Variants in MYZAP observed in about 807,000 individuals in gnomAD.
The protein encoded by MYZAP is GRINL1A complex locus upstream.
Under a neutral mutation model 69.4 loss-of-function variants are expected in MYZAP, and 66 were observed. The observed-to-expected ratio is 0.95, with a 90% CI of 0.78 to 1.17. The LOEUF is 1.17. Among genes scored for constraint, MYZAP ranks in the 50% most tolerant of loss-of-function variants. MYZAP has a pLI of 0.00. For synonymous variants in MYZAP, 256 were observed against 205.9 expected, an observed-to-expected ratio of 1.24 and a Z score of -2.09; for missense variants, 611 against 556.2, an observed-to-expected ratio of 1.10 and a Z score of -0.99.
intron 11 of MYZAP, among the ~76,000 whole-genome samples, chr15:57,662,404 G>T (rs1484392443): frequency 1.3e-5 from 2 of 152,210 alleles, no homozygotes; most frequent in Non-Finnish European, 2.9e-5. Context: ...CCTGCTGTGT[G>T]TTGGGCACTG....
intron 6 of MYZAP, among the ~76,000 whole-genome samples, chr15:57,631,114 AAG>A (rs1319034657): frequency 6.6e-6 from 1 of 152,246 alleles, no homozygotes; most frequent in East Asian, 1.9e-4. Context: ...CTTTCTCAGT[AAG>A]AGTTACTTGG....
intron 12 of MYZAP, among the ~76,000 whole-genome samples, chr15:57,681,612 C>G (rs1018023083): frequency 6.6e-6 from 1 of 152,110 alleles, no homozygotes; most frequent in Non-Finnish European, 1.5e-5. Context: ...AGTGAAACTC[C>G]GTCTCTACTA....
chr15:57,614,655 C>T (rs1406613340), intron 2 of MYZAP, among the ~76,000 whole-genome samples: 2 of 152,130 alleles, frequency 1.3e-5, no homozygotes, highest in Non-Finnish European at 2.9e-5. Context: ...CCATCCTGGG[C>T]CTGCCTCTTC....
chr15:57,628,245 A>G (rs2036276714), intron 5 of MYZAP, among the ~76,000 whole-genome samples: 1 of 152,162 alleles, frequency 6.6e-6, no homozygotes, highest in East Asian at 1.9e-4. Flanking sequence ...AAAGCAGTAA[A>G]TAGCACCACC....
chr15:57,621,261 A>T (rs1595876503), intron 3 of MYZAP, among the ~76,000 whole-genome samples: 1 of 131,692 alleles, frequency 7.6e-6, no homozygotes, highest in African/African-American at 3.0e-5. Context: ...CCCAGGCTGG[A>T]GTGCAGTGGC....
At chr15:57,631,740 T>C (rs939864823) in intron 6 of MYZAP, among the ~76,000 whole-genome samples, 3 of 152,214 alleles carry the variant, frequency 2.0e-5, no homozygotes, top group African/African-American at 4.8e-5. Context: ...ATGTAACCTA[T>C]TGAGTTTGAA....
At chr15:57,678,901 G>A (rs1468814571) in intron 12 of MYZAP, among the ~76,000 whole-genome samples, 1 of 152,074 alleles carries the variant, frequency 6.6e-6, no homozygotes, top group African/African-American at 2.4e-5. Flanking sequence ...TAGTTGCCGG[G>A]TGTGGTGTCT....
Position 57,610,331 on chromosome 15 carries a change from G to A in MYZAP, c.162+5976G>A, listed in dbSNP as rs182518215. Among the ~76,000 whole-genome samples, 292 of 152,312 alleles carry A rather than the reference G, an allele frequency of 1.9e-3. 1 individual carries two copies. Among genetic ancestry groups the A allele is most frequent in the Non-Finnish European group, 3.3e-3 (226 of 68,022 alleles). On this transcript the variant is annotated intron_variant, in intron 2 of 12. Transcript: ENST00000267853. ...TTTTATAGTCCTCTTTCCTTTAAAA[G>A]CCTTGGATGAATAAGCCTGCTGAGT...
intron 11 of MYZAP, among the ~76,000 whole-genome samples, chr15:57,668,412 C>T (rs991987828): frequency 7.9e-5 from 12 of 152,128 alleles, no homozygotes; most frequent in African/African-American, 2.9e-4. Flanking sequence ...TTGAGTGTAC[C>T]AGTGTCTCCA....
At chr15:57,627,093 C>T (rs935846586) in intron 5 of MYZAP, among the ~76,000 whole-genome samples, 9 of 152,298 alleles carry the variant, frequency 5.9e-5, no homozygotes, top group Middle Eastern at 6.8e-3. Flanking sequence ...GGCTTTATCT[C>T]ACCTGAGTTC....
Position 57,621,690 on chromosome 15 carries a change from AG to A in MYZAP, c.403del (p.Glu135AsnfsTer29). 6.2e-7 allele frequency: 1 copy of A among 1,613,834 alleles called. No individual in the cohort carries two copies. Among genetic ancestry groups the A allele is most frequent in the Non-Finnish European group, 8.5e-7 (1 of 1,179,780 alleles). ...EMRQKIRQLT[Q>X]ELSVSHAQQE... is the part of the protein sequence containing the mutation. ...AGACAGAAGATTCGACAGCTCACCC[AG>A]GAACTATCAGTAAGTCATTATCTCA... On this transcript the variant is annotated frameshift_variant, in exon 4 of 13. Coordinates refer to ENST00000267853, the MANE Select transcript of MYZAP (RefSeq NM_001018100.5). LOFTEE classifies it high-confidence loss of function.
intron 4 of MYZAP, among the ~76,000 whole-genome samples, chr15:57,624,686 G>A (rs771278336): frequency 2.0e-5 from 3 of 152,168 alleles, no homozygotes; most frequent in Non-Finnish European, 4.4e-5. Context: ...TGCTAGAATT[G>A]TCCCAGAAAC....
chr15:57,630,679 G>T (rs2036450154), intron 6 of MYZAP, among the ~76,000 whole-genome samples: 1 of 152,152 alleles, frequency 6.6e-6, no homozygotes, highest in African/African-American at 2.4e-5. Context: ...TTAAACTGTG[G>T]ATAGACTTCC....
chr15:57,634,948 C>T (rs1204635786), intron 8 of MYZAP, among the ~76,000 whole-genome samples: 2 of 152,112 alleles, frequency 1.3e-5, no homozygotes, highest in Non-Finnish European at 2.9e-5. Flanking sequence ...ACATTATTGT[C>T]CTCCTACAAC....
At chr15:57,623,164 C>G (rs1211906018) in intron 4 of MYZAP, among the ~76,000 whole-genome samples, 1 of 152,074 alleles carries the variant, frequency 6.6e-6, no homozygotes, top group African/African-American at 2.4e-5. Context: ...ATTAGACCCG[C>G]CAAAGTGCAA....
At chr15:57,604,980 G>A (rs1379457110) in intron 2 of MYZAP, among the ~76,000 whole-genome samples, 1 of 152,182 alleles carries the variant, frequency 6.6e-6, no homozygotes, top group Non-Finnish European at 1.5e-5. Context: ...CCTATATGAC[G>A]GAATCTGGGA....
chr15:57,644,482 G>T (rs2037336872), intron 10 of MYZAP, among the ~76,000 whole-genome samples: 1 of 152,072 alleles, frequency 6.6e-6, no homozygotes, highest in Non-Finnish European at 1.5e-5. Context: ...GTCTTGCCCT[G>T]TTGCTCAGGC....
intron 11 of MYZAP, among the ~76,000 whole-genome samples, chr15:57,661,914 A>T (rs1271865256): frequency 6.6e-6 from 1 of 152,208 alleles, no homozygotes; most frequent in East Asian, 1.9e-4. Context: ...CAAGACTAAG[A>T]TTATTATCTC....
intron 11 of MYZAP, among the ~76,000 whole-genome samples, chr15:57,664,877 AG>A (rs2038491589): frequency 6.6e-6 from 1 of 152,190 alleles, no homozygotes; most frequent in Admixed American, 6.5e-5. Context: ...ATTGGTAAAT[AG>A]GAACTCTCTC....
Sources: gnomAD v4.1 joint callset for allele counts (sites outside exome capture counted in the v4.1 genomes callset) on GRCh38, gnomAD v4.1.1 for gene constraint, MANE v1.5 for transcripts, NCBI Gene and HGNC (gene_info 2026-07-23, HGNC 2026-07-21) for gene names.